Variants in NXPE2 observed in about 807,000 individuals in gnomAD.
NXPE2 encodes the protein neurexophilin and PC-esterase domain family member 2.
A neutral mutation model predicts 34.4 loss-of-function variants in NXPE2; 34 were observed. The observed-to-expected ratio is 0.99, with a 90% confidence interval of 0.75 to 1.31. NXPE2 has a LOEUF of 1.31. Ranked by LOEUF, NXPE2 falls within the 40% of genes most tolerant of loss-of-function variation. The pLI is 0.00. For synonymous variants in NXPE2, 235 were observed against 231.3 expected (o/e 1.02, Z -0.15); for missense variants, 649 against 672.5 (o/e 0.97, Z 0.39).
chr11:114,725,210 G>T, the NXPE2 span, among the ~76,000 whole-genome samples: 1 of 152,040 alleles, frequency 6.6e-6, no homozygotes, highest in Non-Finnish European at 1.5e-5. Flanking sequence ...ATTTATATCA[G>T]TTGTTTCCTA....
chr11:114,615,764 C>T, the NXPE2 span, among the ~76,000 whole-genome samples: 1 of 148,076 alleles, frequency 6.8e-6, no homozygotes, highest in African/African-American at 2.5e-5. Context: ...ATAATAAGTA[C>T]TGCCTCATGG....
At chr11:114,632,417 A>G in the NXPE2 span, among the ~76,000 whole-genome samples, 9 of 132,156 alleles carry the variant, frequency 6.8e-5, no homozygotes, top group Admixed American at 8.2e-4. Context: ...ATAATTTTAT[A>G]TAATATAAAT....
chr11:114,754,052 C>T, the NXPE2 span, among the ~76,000 whole-genome samples: 18 of 152,152 alleles, frequency 1.2e-4, no homozygotes, highest in East Asian at 2.7e-3. Flanking sequence ...CCTCAGTTGT[C>T]GTATCTGTAG....
the NXPE2 span, among the ~76,000 whole-genome samples, chr11:114,742,752 T>G: frequency 6.6e-6 from 1 of 151,714 alleles, no homozygotes; most frequent in Non-Finnish European, 1.5e-5. Context: ...GGTAGAAAGC[T>G]CTTATTCTGC....
At chr11:114,520,523 C>T in the NXPE2 span, among the ~76,000 whole-genome samples, 1 of 152,130 alleles carries the variant, frequency 6.6e-6, no homozygotes, top group African/African-American at 2.4e-5. Flanking sequence ...TATTGATGGG[C>T]ACTTATGTTG....
the NXPE2 span, among the ~76,000 whole-genome samples, chr11:114,716,933 G>A: frequency 1.3e-5 from 2 of 152,092 alleles, no homozygotes; most frequent in South Asian, 2.1e-4. Flanking sequence ...TACAGCAGGG[G>A]TCAGCAAACT....
chr11:114,538,081 A>G, the NXPE2 span, among the ~76,000 whole-genome samples: 1 of 152,200 alleles, frequency 6.6e-6, no homozygotes, highest in Non-Finnish European at 1.5e-5. Flanking sequence ...CAAAACAGAG[A>G]TGTAGACCAA....
chr11:114,767,921 G>A, the NXPE2 span, among the ~76,000 whole-genome samples: 27,338 of 151,972 alleles, frequency 0.18, 2,868 homozygotes, highest in East Asian at 0.37. Context: ...GCTATCTGAC[G>A]GGCTGTGAAT....
chr11:114,510,822 C>G, the NXPE2 span, among the ~76,000 whole-genome samples: 3 of 152,126 alleles, frequency 2.0e-5, no homozygotes, highest in East Asian at 5.8e-4. Flanking sequence ...CACAGAAAAC[C>G]AAGCAAATAA....
At chr11:114,536,080 G>C in the NXPE2 span, among the ~76,000 whole-genome samples, 13 of 151,996 alleles carry the variant, frequency 8.6e-5, no homozygotes, top group Non-Finnish European at 4.4e-5. Flanking sequence ...ATAACAAACT[G>C]TCTCTCAGAC....
the NXPE2 span, among the ~76,000 whole-genome samples, chr11:114,487,334 T>A: frequency 6.6e-6 from 1 of 152,178 alleles, no homozygotes; most frequent in Admixed American, 6.5e-5. Flanking sequence ...GATTTTTGTA[T>A]GTTGATTTTG....
the NXPE2 span, among the ~76,000 whole-genome samples, chr11:114,602,302 AC>A: frequency 8.5e-6 from 1 of 117,752 alleles, no homozygotes; most frequent in Non-Finnish European, 1.6e-5. Flanking sequence ...TATAACATAT[AC>A]TATATATAAT....
intron 2 of NXPE2, among the ~76,000 whole-genome samples, chr11:114,680,084 T>G (rs572328560): frequency 8.5e-5 from 13 of 152,246 alleles, no homozygotes; most frequent in African/African-American, 2.9e-4. Flanking sequence ...TTCAAACTAA[T>G]TAAGTTTCTG....
chr11:114,643,120 T>C, the NXPE2 span, among the ~76,000 whole-genome samples: 1 of 152,116 alleles, frequency 6.6e-6, no homozygotes. Flanking sequence ...TGTTTTTTTC[T>C]TGTAAATTTA....
chr11:114,550,663 A>G, the NXPE2 span, among the ~76,000 whole-genome samples: 1 of 152,200 alleles, frequency 6.6e-6, no homozygotes, highest in African/African-American at 2.4e-5. Context: ...TTTGAGCGGG[A>G]AAAACTTTCT....
At chr11:114,772,751 ACCCTGCCC>A in the NXPE2 span, among the ~76,000 whole-genome samples, 1 of 151,990 alleles carries the variant, frequency 6.6e-6, no homozygotes, top group Non-Finnish European at 1.5e-5. Context: ...CATCTTTTCT[ACCCTGCCC>A]CACTGATGTG....
the NXPE2 span, among the ~76,000 whole-genome samples, chr11:114,764,742 T>C: frequency 6.6e-6 from 1 of 152,170 alleles, no homozygotes; most frequent in Non-Finnish European, 1.5e-5. Context: ...TCAGTCAGGA[T>C]GGGCTAAGTT....
the NXPE2 span, among the ~76,000 whole-genome samples, chr11:114,719,645 A>C: frequency 6.6e-6 from 1 of 152,374 alleles, no homozygotes; most frequent in Non-Finnish European, 1.5e-5. Context: ...GACAATCTGC[A>C]GAAGCAGCTG....
At chr11:114,522,299 A>G in the NXPE2 span, 60 of 1,613,960 alleles carry the variant, frequency 3.7e-5, no homozygotes, top group Non-Finnish European at 4.9e-5. Flanking sequence ...GTGCTGGCCA[A>G]AGGTGATGAC....
Sources: gnomAD v4.1 joint callset for allele counts (sites outside exome capture counted in the v4.1 genomes callset) on GRCh38, gnomAD v4.1.1 for gene constraint, MANE v1.5 for transcripts, NCBI Gene and HGNC (gene_info 2026-07-23, HGNC 2026-07-21) for gene names.